The following RIMS2 variants were observed in gnomAD, a reference collection of about 807,000 sequenced individuals.
RIMS2 encodes the protein regulating synaptic membrane exocytosis 2.
Under a neutral mutation model 174.4 loss-of-function variants are expected in RIMS2, and 59 were observed. The observed-to-expected ratio is 0.34, with a 90% confidence interval of 0.27 to 0.42. RIMS2 has a LOEUF of 0.42. Ranked by LOEUF, RIMS2 falls within the 10% of genes least tolerant of loss-of-function variation. The probability of loss-of-function intolerance (pLI) is 1.00; values close to 1 mark genes in which losing one functional copy is unlikely to be tolerated. For synonymous variants in RIMS2, 606 were observed against 572.5 expected, an observed-to-expected ratio of 1.06 and a Z score of -0.84; for missense variants, 1,620 against 1,666.3, an observed-to-expected ratio of 0.97 and a Z score of 0.48.
At chr8:103,604,190 G>C (rs2094923781) in intron 1 of RIMS2, among the ~76,000 whole-genome samples, 1 of 150,800 alleles carries the variant, frequency 6.6e-6, no homozygotes, top group African/African-American at 2.4e-5. Flanking sequence ...GTGTAAGGAA[G>C]GGATCCAGTT....
intron 14 of RIMS2, among the ~76,000 whole-genome samples, chr8:103,956,026 G>A (rs893143135): frequency 4.6e-5 from 7 of 152,074 alleles, no homozygotes; most frequent in Non-Finnish European, 8.8e-5. Flanking sequence ...AAAAAGATAC[G>A]TAGGAATCCA....
intron 3 of RIMS2, among the ~76,000 whole-genome samples, chr8:103,782,980 GT>G (rs1360497800): frequency 6.6e-5 from 10 of 152,130 alleles, no homozygotes; most frequent in Non-Finnish European, 1.5e-4. Context: ...TTAAATTTCA[GT>G]TTGTGTAGGT....
intron 1 of RIMS2, among the ~76,000 whole-genome samples, chr8:103,691,265 C>T (rs112292865): frequency 1.2e-4 from 18 of 152,180 alleles, no homozygotes; most frequent in Non-Finnish European, 2.2e-4. Flanking sequence ...ATTATCCCTT[C>T]GAACGAACTT....
At chr8:103,844,165 T>G (rs1336061444) in intron 3 of RIMS2, among the ~76,000 whole-genome samples, 2 of 152,226 alleles carry the variant, frequency 1.3e-5, no homozygotes, top group Non-Finnish European at 2.9e-5. Flanking sequence ...CTTTCCTTTG[T>G]AAATTGCCCA....
At chr8:103,979,080 C>T (rs1389930066) in intron 16 of RIMS2, among the ~76,000 whole-genome samples, 2 of 151,926 alleles carry the variant, frequency 1.3e-5, no homozygotes, top group Non-Finnish European at 2.9e-5. Flanking sequence ...TTTTTAAATT[C>T]CTGGAACTTA....
chr8:103,558,811 A>C (rs185666209), intron 1 of RIMS2, among the ~76,000 whole-genome samples: 1 of 152,308 alleles, frequency 6.6e-6, no homozygotes, highest in East Asian at 1.9e-4. Context: ...GTGCAAAAAT[A>C]TAAAATGTAA....
chr8:104,202,752 A>G (rs1587272527), intron 19 of RIMS2, among the ~76,000 whole-genome samples: 1 of 152,344 alleles, frequency 6.6e-6, no homozygotes, highest in African/African-American at 2.4e-5. Context: ...TCACCTCTTT[A>G]AATACTATCT....
intron 19 of RIMS2, among the ~76,000 whole-genome samples, chr8:104,234,891 A>G (rs1482176069): frequency 6.6e-6 from 1 of 152,146 alleles, no homozygotes; most frequent in African/African-American, 2.4e-5. Flanking sequence ...GCAATTTTTC[A>G]CGGTGTATTC....
intron 2 of RIMS2, among the ~76,000 whole-genome samples, chr8:103,755,478 C>G (rs1233778800): frequency 6.6e-6 from 1 of 152,174 alleles, no homozygotes. Context: ...ATTGGCCTGC[C>G]TTGCTAGGCT....
At chr8:103,782,913 T>G (rs1338749007) in intron 3 of RIMS2, among the ~76,000 whole-genome samples, 1 of 152,202 alleles carries the variant, frequency 6.6e-6, no homozygotes, top group Admixed American at 6.5e-5. Flanking sequence ...GTATGTTAGT[T>G]TTCTATATCT....
chr8:104,198,695 T>C (rs977525202), intron 19 of RIMS2, among the ~76,000 whole-genome samples: 3 of 152,236 alleles, frequency 2.0e-5, no homozygotes, highest in Admixed American at 2.0e-4. Flanking sequence ...TTCTACCTTC[T>C]GGCTTTTGTC....
rs565249673 is a variant in RIMS2, at chr8:103,800,611, C to G, written c.698+34074C>G. On this transcript the variant is annotated intron_variant, in intron 3 of 23. Coordinates refer to ENST00000504942, the Ensembl canonical transcript of RIMS2. ...GATCACATGGTTTTTCCTCTTTCGT[C>G]TCTTTATATGGTGAATTACACTGAT... 3.9e-5 allele frequency among the ~76,000 whole-genome samples: 6 copies of G among 152,216 alleles called. No homozygotes were observed. In the South Asian group the frequency reaches 1.2e-3, roughly 32 times the overall value.
chr8:104,053,330 C>G (rs1392968909), intron 19 of RIMS2, among the ~76,000 whole-genome samples: 1 of 152,086 alleles, frequency 6.6e-6, no homozygotes, highest in Admixed American at 6.6e-5. Context: ...CCCAGATGCT[C>G]AAGTTATATA....
At chr8:104,091,308 A>G (rs915046377) in intron 19 of RIMS2, among the ~76,000 whole-genome samples, 2 of 151,818 alleles carry the variant, frequency 1.3e-5, no homozygotes, top group African/African-American at 4.8e-5. Flanking sequence ...AAAAACAAAT[A>G]AGAAATATAT....
At chr8:103,577,628 A>G (rs2093342082) in intron 1 of RIMS2, among the ~76,000 whole-genome samples, 1 of 152,204 alleles carries the variant, frequency 6.6e-6, no homozygotes, top group African/African-American at 2.4e-5. Context: ...AATTTAAAGT[A>G]TTAATACAGT....
intron 3 of RIMS2, among the ~76,000 whole-genome samples, chr8:103,850,814 A>G (rs2098993841): frequency 6.6e-6 from 1 of 151,988 alleles, no homozygotes; most frequent in South Asian, 2.1e-4. Flanking sequence ...GATCTTCTTT[A>G]TCTGAAAGTA....
At chr8:103,767,880 G>A (rs1477283627) in intron 3 of RIMS2, among the ~76,000 whole-genome samples, 1 of 152,178 alleles carries the variant, frequency 6.6e-6, no homozygotes, top group Non-Finnish European at 1.5e-5. Flanking sequence ...AGACCTCAGA[G>A]TTATCCTATA....
chr8:103,545,662 G>A (rs1844710099), intron 1 of RIMS2, among the ~76,000 whole-genome samples: 1 of 152,188 alleles, frequency 6.6e-6, no homozygotes, highest in African/African-American at 2.4e-5. Flanking sequence ...ACTCCATCAG[G>A]CTAACAGTGA....
At position 104,223,601 on chromosome 8, in the gene RIMS2, GC is replaced by G. The variant is rs1476054607; in HGVS notation, c.3335-21313del. 3.3e-6 allele frequency: 5 copies of G among 1,521,692 alleles called. No homozygotes were observed. In the African/African-American group the frequency reaches 6.9e-5, roughly 21 times the overall value. 94.3% of individuals were successfully genotyped at this position (1,521,692 alleles called of 1,614,324 possible). A position where few individuals can be genotyped will look rare whatever the true frequency, so the allele number is the denominator to read the frequency against. Reference sequence around the variant, plus strand: ...CCGCTGCGGACGCTGCGCCCCAGCCGCCAAGACGCCGCGTATCTTGTACCGC... The same window carrying G: ...CCGCTGCGGACGCTGCGCCCCAGCCGCAAGACGCCGCGTATCTTGTACCGC... On this transcript the variant is annotated intron_variant, in intron 19 of 23. Coordinates refer to ENST00000504942, the Ensembl canonical transcript of RIMS2.
Sources: allele counts gnomAD v4.1 joint callset (sites outside exome capture counted in the v4.1 genomes callset), GRCh38; gene constraint gnomAD v4.1.1; transcripts MANE v1.5; gene names NCBI Gene and HGNC (gene_info 2026-07-23, HGNC 2026-07-21).